PRKCH: variants seen among roughly 807,000 people sequenced by gnomAD.
The protein encoded by PRKCH is protein kinase C eta.
PRKCH carries 28 observed loss-of-function variants against 82.5 expected under a neutral mutation model. The ratio of observed to expected loss-of-function variants is 0.34; its 90% CI spans 0.25 to 0.47. The LOEUF (loss-of-function observed/expected upper bound fraction) is 0.47, where lower values mean the gene tolerates loss of function less well. Ranked by LOEUF, PRKCH falls within the 20% of genes least tolerant of loss-of-function variation. The probability of loss-of-function intolerance (pLI) is 1.00; values close to 1 mark genes in which losing one functional copy is unlikely to be tolerated. For missense variants in PRKCH, 705 were observed against 881.8 expected, an observed-to-expected ratio of 0.80 and a Z score of 2.54; for synonymous variants, 322 against 327.4, an observed-to-expected ratio of 0.98 and a Z score of 0.18.
At chr14:61,297,397 T>C (rs1954011) in intron 1 of PRKCH, among the ~76,000 whole-genome samples, 88,072 of 152,054 alleles carry the variant, frequency 0.58, 28,450 homozygotes, top group Non-Finnish European at 0.71. Context: ...CTGGGGCTCC[T>C]GAGTCAAATG....
At chr14:61,468,022 A>G (rs1885335792) in intron 9 of PRKCH, among the ~76,000 whole-genome samples, 1 of 152,194 alleles carries the variant, frequency 6.6e-6, no homozygotes, top group South Asian at 2.1e-4. Context: ...TATACAAGCC[A>G]TTTCCATTAT....
At chr14:61,515,394 GTCACCTGTGGTGAAT>G (rs904447251) in intron 10 of PRKCH, among the ~76,000 whole-genome samples, 5 of 152,224 alleles carry the variant, frequency 3.3e-5, no homozygotes, top group Admixed American at 3.3e-4. Flanking sequence ...AGCAGAACCA[GTCACCTGTGGTGAAT>G]TCAGTGGCGT....
intron 1 of PRKCH, among the ~76,000 whole-genome samples, chr14:61,355,541 T>A (rs542929137): frequency 2.0e-5 from 3 of 152,272 alleles, no homozygotes; most frequent in South Asian, 4.1e-4. Context: ...GATTTTTTTT[T>A]AAAGGATGAT....
chr14:61,291,323 C>CTT (rs533117559), intron 1 of PRKCH, among the ~76,000 whole-genome samples: 537 of 96,628 alleles, frequency 5.6e-3, no homozygotes, highest in African/African-American at 8.4e-3. Flanking sequence ...CCCTCTGGTT[C>CTT]TTTTTTTTTT....
At chr14:61,205,063 C>T (rs1302280717) in intron 1 of PRKCH, among the ~76,000 whole-genome samples, 2 of 152,152 alleles carry the variant, frequency 1.3e-5, no homozygotes, top group Non-Finnish European at 2.9e-5. Flanking sequence ...GTCCTGGGTT[C>T]TCCTTGGGAC....
intron 1 of PRKCH, among the ~76,000 whole-genome samples, chr14:61,373,469 T>G (rs569324277): frequency 6.6e-6 from 1 of 152,122 alleles, no homozygotes; most frequent in African/African-American, 2.4e-5. Flanking sequence ...GCCCCTCCCC[T>G]GACAGGTGGA....
At chr14:61,491,409 G>A (rs1422371436) in intron 10 of PRKCH, among the ~76,000 whole-genome samples, 1 of 152,210 alleles carries the variant, frequency 6.6e-6, no homozygotes. Context: ...CCATGGGAAT[G>A]CTCAGTATAT....
intron 10 of PRKCH, among the ~76,000 whole-genome samples, chr14:61,504,693 A>G (rs531965989): frequency 4.2e-4 from 64 of 152,364 alleles, no homozygotes; most frequent in Non-Finnish European, 6.3e-4. Context: ...TAGGAAATTT[A>G]GTAACTAAAG....
chr14:61,441,407 G>A (rs1379468608), intron 2 of PRKCH, among the ~76,000 whole-genome samples: 2 of 152,110 alleles, frequency 1.3e-5, no homozygotes, highest in East Asian at 1.9e-4. Flanking sequence ...GACAGGATGG[G>A]GATGCCTGTT....
At chr14:61,404,827 AG>A (rs1226869176) in intron 2 of PRKCH, among the ~76,000 whole-genome samples, 1 of 152,220 alleles carries the variant, frequency 6.6e-6, no homozygotes, top group Non-Finnish European at 1.5e-5. Flanking sequence ...GATGGGGAAC[AG>A]GAAGTGCAAA....
intron 1 of PRKCH, among the ~76,000 whole-genome samples, chr14:61,332,449 A>G (rs1296394768): frequency 6.6e-6 from 1 of 152,258 alleles, no homozygotes; most frequent in African/African-American, 2.4e-5. Flanking sequence ...TAGGAAGCTT[A>G]CCAGCAGTGC....
At chr14:61,460,534 G>A (rs1884982004) in intron 9 of PRKCH, among the ~76,000 whole-genome samples, 1 of 152,186 alleles carries the variant, frequency 6.6e-6, no homozygotes, top group African/African-American at 2.4e-5. Context: ...AGTGCTTTAT[G>A]TCTGTTATTT....
chr14:61,488,353 A>G (rs1026231967), intron 10 of PRKCH, among the ~76,000 whole-genome samples: 1 of 152,044 alleles, frequency 6.6e-6, no homozygotes, highest in Non-Finnish European at 1.5e-5. Flanking sequence ...TAAAACGAGC[A>G]CTTGTTACAG....
intron 10 of PRKCH, among the ~76,000 whole-genome samples, chr14:61,527,442 G>A (rs1001668084): frequency 5.3e-5 from 8 of 152,282 alleles, no homozygotes; most frequent in Admixed American, 5.2e-4. Context: ...TGATTATCAA[G>A]CCTTATTACT....
At chr14:61,328,086 TA>T (rs1478833421) in intron 1 of PRKCH, among the ~76,000 whole-genome samples, 3 of 151,198 alleles carry the variant, frequency 2.0e-5, no homozygotes, top group African/African-American at 7.3e-5. Flanking sequence ...CCGTCTCTAC[TA>T]AAAATACAAA....
At chr14:61,420,443 T>C (rs899408846) in intron 2 of PRKCH, among the ~76,000 whole-genome samples, 10 of 152,308 alleles carry the variant, frequency 6.6e-5, no homozygotes, top group African/African-American at 2.4e-4. Context: ...TGAGTCACCC[T>C]CACCTGCGGG....
At chr14:61,234,504 A>G (rs1219255265) in intron 1 of PRKCH, among the ~76,000 whole-genome samples, 3 of 152,140 alleles carry the variant, frequency 2.0e-5, no homozygotes, top group Non-Finnish European at 2.9e-5. Context: ...ACTCATGTTG[A>G]GCATGAGCAC....
chr14:61,536,025 G>A (rs758736428), intron 12 of PRKCH, among the ~76,000 whole-genome samples: 3 of 152,222 alleles, frequency 2.0e-5, no homozygotes, highest in Non-Finnish European at 4.4e-5. Flanking sequence ...TATAGAAAAA[G>A]TGATCTCCAT....
At chr14:61,230,556 A>G (rs2044734664) in intron 1 of PRKCH, among the ~76,000 whole-genome samples, 1 of 151,990 alleles carries the variant, frequency 6.6e-6, no homozygotes, top group Non-Finnish European at 1.5e-5. Flanking sequence ...AGGTGTAGAT[A>G]ATGTATCAGA....
Sources: allele counts gnomAD v4.1 joint callset (sites outside exome capture counted in the v4.1 genomes callset), GRCh38; gene constraint gnomAD v4.1.1; transcripts MANE v1.5; gene names NCBI Gene and HGNC (gene_info 2026-07-23, HGNC 2026-07-21).